SNX29: variants seen among roughly 807,000 people sequenced by gnomAD.
SNX29 encodes the protein sorting nexin 29.
Under a neutral mutation model 102.1 loss-of-function variants are expected in SNX29, and 78 were observed. That is an observed-to-expected ratio of 0.76 (90% CI 0.64 to 0.92). The LOEUF is 0.92. SNX29 is among the 40% of genes least tolerant of loss of function. The pLI is 0.00. For synonymous variants in SNX29, 580 were observed against 414.5 expected, an observed-to-expected ratio of 1.40 and a Z score of -4.85; for missense variants, 1,280 against 1,061.7, an observed-to-expected ratio of 1.21 and a Z score of -2.86.
chr16:12,124,314 C>A (rs2054110401), intron 11 of SNX29, among the ~76,000 whole-genome samples: 2 of 151,184 alleles, frequency 1.3e-5, no homozygotes, highest in Non-Finnish European at 2.9e-5. Context: ...CGAGATCATA[C>A]CACTGCACTC....
chr16:12,152,272 C>A (rs943353730), intron 13 of SNX29, among the ~76,000 whole-genome samples: 3 of 152,078 alleles, frequency 2.0e-5, no homozygotes, highest in African/African-American at 7.2e-5. Context: ...ATCGTAGAAT[C>A]TTTGGTTTCT....
chr16:12,264,141 C>T (rs1208944888), intron 14 of SNX29, among the ~76,000 whole-genome samples: 1 of 152,228 alleles, frequency 6.6e-6, no homozygotes, highest in African/African-American at 2.4e-5. Context: ...CAGAAAGTGG[C>T]TGAGCCATGA....
chr16:12,537,114 C>A (rs780601878), intron 20 of SNX29, among the ~76,000 whole-genome samples: 4 of 152,182 alleles, frequency 2.6e-5, no homozygotes, highest in East Asian at 1.9e-4. Context: ...CCCTTTCCTC[C>A]CAGCTGTTGG....
chr16:12,568,421 C>T lies in SNX29; in HGVS notation c.2319-85C>T, dbSNP rs1188612128. Reference sequence around the variant, plus strand: ...ACAGTTGCCAATCAGATCCCTCCTGCCCTCACACCTGGCTCCCCTTCCTGG... The same window carrying T: ...ACAGTTGCCAATCAGATCCCTCCTGTCCTCACACCTGGCTCCCCTTCCTGG... On this transcript the variant is annotated intron_variant, in intron 20 of 20. Transcript: ENST00000566228. The T allele has an allele frequency of 3.2e-6, 5 of 1,558,956 alleles. No individual in the cohort carries two copies. In the African/African-American group the frequency reaches 4.0e-5, roughly 13 times the overall value.
At chr16:11,996,075 A>AG (rs2056061210) in intron 1 of SNX29, among the ~76,000 whole-genome samples, 1 of 150,946 alleles carries the variant, frequency 6.6e-6, no homozygotes, top group Non-Finnish European at 1.5e-5. Context: ...AAAAAAAAAA[A>AG]GAGTTAGGCC....
chr16:12,349,366 A>G (rs1252695710), intron 15 of SNX29, among the ~76,000 whole-genome samples: 1 of 152,230 alleles, frequency 6.6e-6, no homozygotes, highest in Non-Finnish European at 1.5e-5. Flanking sequence ...GTCTAGTGCT[A>G]GATCTGGACA....
At chr16:12,253,380 C>G (rs1482605073) in intron 14 of SNX29, among the ~76,000 whole-genome samples, 1 of 152,096 alleles carries the variant, frequency 6.6e-6, no homozygotes, top group Non-Finnish European at 1.5e-5. Context: ...TAGGGGGAGA[C>G]AGAAGATAAT....
chr16:12,527,115 C>T, intron 20 of SNX29: 1 of 469,132 alleles, frequency 2.1e-6, no homozygotes, highest in Admixed American at 2.8e-5. Flanking sequence ...AGCTCTTTGG[C>T]TTTCCTCACT....
chr16:12,418,271 G>C (rs2084725194), intron 18 of SNX29, among the ~76,000 whole-genome samples: 1 of 152,292 alleles, frequency 6.6e-6, no homozygotes, highest in Non-Finnish European at 1.5e-5. Flanking sequence ...CCGTTTGCTA[G>C]CGTCCTTCCT....
At position 12,572,488 on chromosome 16, in the gene SNX29, T is replaced by TTCCA; in HGVS notation, c.*3860_*3863dup. ...CAACCCTGAGGACCAGTTCTTGGGG[T>TTCCA]TCCAGGCCTCGGCCTTCCTGCTCCA... On this transcript the variant is annotated 3_prime_UTR_variant, in exon 21 of 21. Transcript: ENST00000566228. The TTCCA allele has an allele frequency of 9.4e-7, 1 of 1,063,772 alleles. No individual in the cohort carries two copies. The highest frequency in any genetic ancestry group is 1.1e-6 in the Non-Finnish European group (1 of 878,290). The allele number at this position is 1,063,772 out of a possible 1,614,324, so 65.9% of individuals were successfully genotyped here. A position where few individuals can be genotyped will look rare whatever the true frequency, so the allele number is the denominator to read the frequency against.
At chr16:12,004,693 C>T (rs1206896993) in intron 3 of SNX29, among the ~76,000 whole-genome samples, 4 of 152,144 alleles carry the variant, frequency 2.6e-5, no homozygotes, top group Non-Finnish European at 5.9e-5. Context: ...CTTTCCTACC[C>T]TTGTTCTTTT....
intron 15 of SNX29, among the ~76,000 whole-genome samples, chr16:12,324,168 A>G (rs1156656137): frequency 1.3e-5 from 2 of 151,672 alleles, no homozygotes; most frequent in African/African-American, 4.8e-5. Context: ...GGGTCATTCC[A>G]TGGGCTTTTG....
chr16:12,536,427 C>T (rs564157368), intron 20 of SNX29, among the ~76,000 whole-genome samples: 25 of 151,964 alleles, frequency 1.6e-4, no homozygotes, highest in African/African-American at 3.6e-4. Context: ...GTAAGGAGGG[C>T]GGCAGTTGTG....
rs1034543934 is a variant in SNX29 at position 12,485,539 on chromosome 16, G to A, written c.2178+7680G>A. 7.9e-5 allele frequency among the ~76,000 whole-genome samples: 12 copies of A among 152,262 alleles called. No individual in the cohort carries two copies. The South Asian group carries it at 1.7e-3, about 21-fold the overall frequency. On this transcript the variant is annotated intron_variant, in intron 19 of 20. Transcript: ENST00000566228. ...GTAGAGGAACCGACTGGTACTCGCC[G>A]AGCCGTGGGAAGCCCCTTTGCAACT...
At chr16:12,027,263 G>C in intron 3 of SNX29, 57 bp from the exon 4 acceptor site, 1 of 1,601,490 alleles carries the variant, frequency 6.2e-7, no homozygotes, top group African/African-American at 1.3e-5. Context: ...TGCTGGGGCC[G>C]CCCTAGTTGC....
At chr16:12,050,082 G>T (rs1166421866) in intron 7 of SNX29, among the ~76,000 whole-genome samples, 1 of 152,302 alleles carries the variant, frequency 6.6e-6, no homozygotes, top group South Asian at 2.1e-4. Context: ...CTCCAGCAGA[G>T]ACCCTGCACG....
chr16:12,229,384 A>C (rs1471304450), intron 14 of SNX29, among the ~76,000 whole-genome samples: 1 of 152,240 alleles, frequency 6.6e-6, no homozygotes, highest in Non-Finnish European at 1.5e-5. Context: ...CTAAATGAAC[A>C]TCTAACCAAT....
At chr16:12,536,109 G>C (rs994837285) in intron 20 of SNX29, among the ~76,000 whole-genome samples, 1 of 152,138 alleles carries the variant, frequency 6.6e-6, no homozygotes, top group Non-Finnish European at 1.5e-5. Flanking sequence ...CAGAGAGAAG[G>C]GTGAACACAG....
At chr16:12,481,626 C>CT (rs2087940513) in intron 19 of SNX29, among the ~76,000 whole-genome samples, 1 of 151,900 alleles carries the variant, frequency 6.6e-6, no homozygotes. Flanking sequence ...CCTCCGTCTC[C>CT]TGGGTTCAAG....
Sources: allele counts gnomAD v4.1 joint callset (sites outside exome capture counted in the v4.1 genomes callset), GRCh38; gene constraint gnomAD v4.1.1; transcripts MANE v1.5; gene names NCBI Gene and HGNC (gene_info 2026-07-23, HGNC 2026-07-21).